Variants in TNN observed in about 807,000 individuals in gnomAD.
The protein encoded by TNN is tenascin-N.
TNN carries 122 observed loss-of-function variants against 134.4 expected under a neutral mutation model. That is an observed-to-expected ratio of 0.91 (90% CI 0.78 to 1.06). TNN has a LOEUF of 1.06. TNN is among the 50% of genes least tolerant of loss of function. The probability of loss-of-function intolerance (pLI) is 0.00; values close to 1 mark genes in which losing one functional copy is unlikely to be tolerated. For missense variants in TNN, 1,739 were observed against 1,699.4 expected (o/e 1.02, Z -0.41); for synonymous variants, 710 against 670.3 (o/e 1.06, Z -0.91).
chr1:175,139,426 A>G (rs1175718850), intron 17 of TNN, among the ~76,000 whole-genome samples: 1 of 152,134 alleles, frequency 6.6e-6, no homozygotes, highest in Non-Finnish European at 1.5e-5. Flanking sequence ...AAACTAAGAC[A>G]CAAATACACA....
intron 15 of TNN, among the ~76,000 whole-genome samples, chr1:175,132,591 A>G (rs1675702056): frequency 6.6e-6 from 1 of 152,218 alleles, no homozygotes; most frequent in Non-Finnish European, 1.5e-5. Flanking sequence ...TATTTATAGA[A>G]CATTTTTATG....
intron 2 of TNN, among the ~76,000 whole-genome samples, chr1:175,078,532 A>C (rs1674108904): frequency 6.6e-6 from 1 of 152,172 alleles, no homozygotes; most frequent in South Asian, 2.1e-4. Flanking sequence ...TGCCTGAAGG[A>C]ATTGCTATGG....
rs1032680998 is a variant in TNN, at chr1:175,122,673, G to T, written c.2651-727G>T. On this transcript the variant is annotated intron_variant, in intron 11 of 18. Coordinates refer to ENST00000239462, the MANE Select transcript of TNN (RefSeq NM_022093.2). ...TTAGACTAGCAGATTTAGTTGTGTG[G>T]CATAGAAAGATGCAAACAGGATTGA... is the stretch of plus-strand genomic sequence containing the variant. Among the ~76,000 whole-genome samples the T allele has an allele frequency of 2.6e-5, 4 of 152,350 alleles. No individual in the cohort carries two copies. In the East Asian group the frequency reaches 7.7e-4, roughly 29 times the overall value.
intron 7 of TNN, 89 bp from the exon 8 acceptor site, chr1:175,097,328 T>G: frequency 8.9e-5 from 134 of 1,508,806 alleles, no homozygotes; most frequent in Non-Finnish European, 1.1e-4. Context: ...TGACATTTGT[T>G]GAGGTTATCA....
chr1:175,128,456 A>G (rs1675586656), intron 14 of TNN, 139 bp from the exon 15 acceptor site: 4 of 1,077,502 alleles, frequency 3.7e-6, no homozygotes, highest in Non-Finnish European at 5.3e-6. Context: ...ATAAGATATG[A>G]GTGAAGAGTT....
chr1:175,098,640 C>G (rs199957239), intron 9 of TNN, 45 bp downstream of exon 9: 4 of 1,612,908 alleles, frequency 2.5e-6, no homozygotes, highest in Non-Finnish European at 3.4e-6. Flanking sequence ...TGCTCAGGGT[C>G]TGTCTACATG....
chr1:175,128,170 A>G lies in TNN; in HGVS notation c.3178+6A>G, dbSNP rs951914445. The G allele has an allele frequency of 4.4e-6, 7 of 1,595,674 alleles. No homozygotes were observed. The highest frequency in any genetic ancestry group is 6.0e-6 in the Non-Finnish European group (7 of 1,171,256). On this transcript the variant is annotated splice_donor_region_variant and intron_variant, in intron 14 of 18. Transcript: ENST00000239462. ...ATCCACCACCCTCTCCACAGGTAAT[A>G]TGGAATCCTGTACTCTGAACGACCG...
At chr1:175,092,344 T>A (rs887316337) in intron 6 of TNN, among the ~76,000 whole-genome samples, 1 of 152,156 alleles carries the variant, frequency 6.6e-6, no homozygotes, top group Non-Finnish European at 1.5e-5. Context: ...AGACAGTGGG[T>A]GCCTGCATCC....
At chr1:175,138,417 A>G (rs1675869112) in intron 17 of TNN, among the ~76,000 whole-genome samples, 1 of 152,140 alleles carries the variant, frequency 6.6e-6, no homozygotes, top group Non-Finnish European at 1.5e-5. Flanking sequence ...GACCCAAATA[A>G]GTTCCATAGG....
At chr1:175,077,301 G>A in intron 1 of TNN, 83 bp from the exon 2 acceptor site, 1 of 1,050,140 alleles carries the variant, frequency 9.5e-7, no homozygotes. Context: ...CAGCTTCCTT[G>A]GGCTCTTAGA....
intron 2 of TNN, 152 bp from the exon 3 acceptor site, chr1:175,079,181 C>A (rs1674126653): frequency 2.0e-6 from 2 of 995,288 alleles, no homozygotes; most frequent in Non-Finnish European, 1.4e-6. Context: ...GCTCCACCAT[C>A]CTCCAAAAAA....
Position 175,146,459 on chromosome 1 carries a change from C to A in TNN, c.3760-472C>A, listed in dbSNP as rs531151846. ...AAAATGAAATTTAGTTTTCAGCAGGCTATTTGTTACCCCAGAGCTAATATC... is the reference window on the plus strand; with the variant it reads ...AAAATGAAATTTAGTTTTCAGCAGGATATTTGTTACCCCAGAGCTAATATC... On this transcript the variant is annotated intron_variant, in intron 18 of 18. Transcript: ENST00000239462. Among the ~76,000 whole-genome samples the A allele has an allele frequency of 2.7e-3, 418 of 152,264 alleles. 1 individual carries two copies. The highest frequency in any genetic ancestry group is 4.5e-3 in the Non-Finnish European group (307 of 68,012).
Position 175,144,386 on chromosome 1 carries a change from G to T in TNN, c.3596-1G>T, listed in dbSNP as rs777248205. 4 of 1,613,800 alleles carry T rather than the reference G, an allele frequency of 2.5e-6. No individual in the cohort carries two copies. The South Asian group carries it at 4.4e-5, about 18-fold the overall frequency. On this transcript the variant is annotated splice_acceptor_variant, in intron 17 of 18. Transcript: ENST00000239462. LOFTEE classifies it high-confidence loss of function. ...TCGCCTCCGTCTCTTCTCTCCTGCA[G>T]GGGATGCTCTTACTTACCACAATGG...
chr1:175,072,031 C>G (rs1283480953), intron 1 of TNN, among the ~76,000 whole-genome samples: 4 of 152,128 alleles, frequency 2.6e-5, no homozygotes, highest in African/African-American at 9.7e-5. Flanking sequence ...ACAGATTTGG[C>G]AACTGTCAAC....
At chr1:175,139,806 A>G (rs1426121043) in intron 17 of TNN, among the ~76,000 whole-genome samples, 1 of 152,248 alleles carries the variant, frequency 6.6e-6, no homozygotes, top group Non-Finnish European at 1.5e-5. Context: ...TGAGTGATGC[A>G]TTGGTCTGCA....
In TNN at chr1:175,101,483, G is replaced by A. The variant is rs566587791; in HGVS notation, c.2119+2888G>A. On this transcript the variant is annotated intron_variant, in intron 9 of 18. Transcript: ENST00000239462. ...GCTTCCACAGTGTGGAAGGGGACCC[G>A]AGAAGGTTGCCAATGCTGGCTCGGG... 4.8e-3 allele frequency among the ~76,000 whole-genome samples: 723 copies of A among 149,748 alleles called. 7 individuals carry two copies. Among genetic ancestry groups the A allele is most frequent in the Admixed American group, 0.012 (186 of 14,936 alleles).
intron 9 of TNN, among the ~76,000 whole-genome samples, chr1:175,109,072 ATTTTTTTTTTTT>A (rs1160268455): frequency 2.7e-4 from 17 of 61,982 alleles, no homozygotes; most frequent in South Asian, 5.6e-4. Context: ...ATCTAACTGT[ATTTTTTTTTTTT>A]TTTTTTTTTT....
intron 15 of TNN, among the ~76,000 whole-genome samples, chr1:175,129,034 A>T (rs963361463): frequency 6.6e-6 from 1 of 152,168 alleles, no homozygotes; most frequent in Non-Finnish European, 1.5e-5. Flanking sequence ...AAGTGGTGAA[A>T]GTACAGCTAC....
In TNN at chr1:175,103,001, G is replaced by A. The variant is rs942973363; in HGVS notation, c.2119+4406G>A. Among the ~76,000 whole-genome samples, 5 of 146,492 alleles carry A rather than the reference G, an allele frequency of 3.4e-5. 1 individual carries two copies. The highest frequency in any genetic ancestry group is 7.6e-5 in the Non-Finnish European group (5 of 65,842). ...CTTCAGAGGGGAACTCTCTAGGCCA[G>A]GGGAAGTGCCAGTGGGTTGATCCAG... On this transcript the variant is annotated intron_variant, in intron 9 of 18. Transcript: ENST00000239462.
Sources: allele counts gnomAD v4.1 joint callset (sites outside exome capture counted in the v4.1 genomes callset), GRCh38; gene constraint gnomAD v4.1.1; transcripts MANE v1.5; gene names NCBI Gene and HGNC (gene_info 2026-07-23, HGNC 2026-07-21).